The following GLRA1 variants were observed in gnomAD, a reference collection of about 807,000 sequenced individuals.
The protein encoded by GLRA1 is glycine receptor alpha 1.
Under a neutral mutation model 48.3 loss-of-function variants are expected in GLRA1, and 37 were observed. The observed-to-expected ratio is 0.77, with a 90% CI of 0.59 to 1.01. The LOEUF is 1.01. Among genes scored for constraint, GLRA1 ranks in the 50% least tolerant of loss-of-function variants. GLRA1 has a pLI of 0.00. For synonymous variants in GLRA1, 196 were observed against 210.7 expected (o/e 0.93, Z 0.60); for missense variants, 427 against 571.0 (o/e 0.75, Z 2.57).
In GLRA1 at chr5:151,822,976, C is replaced by T; in HGVS notation, c.1060-13G>A. The T allele has an allele frequency of 6.3e-7, 1 of 1,585,106 alleles. No homozygotes were observed. The highest frequency in any genetic ancestry group is 8.6e-7 in the Non-Finnish European group (1 of 1,164,846). On this transcript the variant is annotated splice_polypyrimidine_tract_variant and intron_variant, in intron 8 of 8. Coordinates refer to ENST00000274576, the MANE Select transcript of GLRA1 (RefSeq NM_000171.4). ...CAGCTTCATCCTCCTGGAATAGATT[C>T]AACATGGGGCTCTACTTAAAATAAG...
rs114469790 is a variant in GLRA1, at chr5:151,923,048, G to A, written c.56+1446C>T. ...CCATAAAGTAGCCACATTTTGATACGTTTCATAAGGCCCTGGATTGTTGTA... is the reference window on the plus strand; with the variant it reads ...CCATAAAGTAGCCACATTTTGATACATTTCATAAGGCCCTGGATTGTTGTA... On this transcript the variant is annotated intron_variant, in intron 1 of 8. Coordinates refer to ENST00000274576, the MANE Select transcript of GLRA1 (RefSeq NM_000171.4). 8.8e-3 allele frequency among the ~76,000 whole-genome samples: 1,333 copies of A among 152,230 alleles called. 19 individuals are homozygous for A. Among genetic ancestry groups the A allele is most frequent in the African/African-American group, 0.031 (1,282 of 41,518 alleles).
intron 1 of GLRA1, among the ~76,000 whole-genome samples, chr5:151,909,347 C>A (rs1754553248): frequency 6.6e-6 from 1 of 152,174 alleles, no homozygotes. Flanking sequence ...TTTTCTCCAA[C>A]CATTTGAATT....
chr5:151,904,350 C>G (rs1455484268), intron 1 of GLRA1, among the ~76,000 whole-genome samples: 2 of 152,114 alleles, frequency 1.3e-5, no homozygotes, highest in African/African-American at 4.8e-5. Context: ...TTGCGTGTCT[C>G]AGAGGCAAAG....
At chr5:151,924,438 C>T (rs1754956739) in intron 1 of GLRA1, 56 bp downstream of exon 1, 4 of 1,057,040 alleles carry the variant, frequency 3.8e-6, no homozygotes, top group Non-Finnish European at 6.0e-6. Flanking sequence ...AGGTAGCCTC[C>T]GTACTCTTTC....
chr5:151,859,678 A>G (rs1403522717), intron 4 of GLRA1, 107 bp downstream of exon 4: 1 of 802,654 alleles, frequency 1.2e-6, no homozygotes, highest in Non-Finnish European at 2.2e-6. Context: ...TTGGGTTGCC[A>G]GGGCCTGTTC....
At chr5:151,894,150 CGTGTGTGT>C (rs749330230) in intron 1 of GLRA1, among the ~76,000 whole-genome samples, 5 of 150,612 alleles carry the variant, frequency 3.3e-5, no homozygotes, top group African/African-American at 1.2e-4. Flanking sequence ...TGTGTGTGTG[CGTGTGTGT>C]GTGTGTGTAA....
intron 3 of GLRA1, among the ~76,000 whole-genome samples, chr5:151,882,531 G>A (rs1753785537): frequency 6.6e-6 from 1 of 152,300 alleles, no homozygotes; most frequent in East Asian, 1.9e-4. Context: ...TCGTCCAAAA[G>A]TTTTGGTAGG....
chr5:151,823,259 G>C (rs1427598534), intron 8 of GLRA1, among the ~76,000 whole-genome samples: 1 of 152,172 alleles, frequency 6.6e-6, no homozygotes, highest in Non-Finnish European at 1.5e-5. Context: ...CCATAGGCAA[G>C]TAATTTCCTT....
intron 7 of GLRA1, among the ~76,000 whole-genome samples, chr5:151,844,643 A>C (rs1342169872): frequency 7.4e-6 from 1 of 134,678 alleles, no homozygotes; most frequent in Non-Finnish European, 1.6e-5. Flanking sequence ...AAAAAAAAAG[A>C]AAAAGAAAAA....
chr5:151,849,376 G>GTTTCC lies in GLRA1; in HGVS notation c.912+2009_912+2013dup, dbSNP rs757139471. Among the ~76,000 whole-genome samples, 77 of 13,166 alleles carry GTTTCC rather than the reference G, an allele frequency of 5.8e-3. 1 individual carries two copies. Among genetic ancestry groups the GTTTCC allele is most frequent in the Admixed American group, 0.016 (12 of 758 alleles). 8.6% of individuals were successfully genotyped at this position (13,166 alleles called of 152,430 possible). ...CTTCCTTCCTTCCTTTCTTCCTTTC[G>GTTTCC]TTTCCTTTCCTTTCCTTTCCTTTCC... On this transcript the variant is annotated intron_variant, in intron 7 of 8. Coordinates refer to ENST00000274576, the MANE Select transcript of GLRA1 (RefSeq NM_000171.4).
chr5:151,853,138 G>A (rs1243859036), intron 6 of GLRA1, among the ~76,000 whole-genome samples: 1 of 152,216 alleles, frequency 6.6e-6, no homozygotes, highest in Non-Finnish European at 1.5e-5. Context: ...AATTTCAGTT[G>A]TGCAAGATGA....
At chr5:151,895,625 CTGTGTGTGTGTG>C (rs67871185) in intron 1 of GLRA1, among the ~76,000 whole-genome samples, 142 of 146,692 alleles carry the variant, frequency 9.7e-4, no homozygotes, top group African/African-American at 3.4e-3. Context: ...GTGTGTGTGT[CTGTGTGTGTGTG>C]TGTGTGTGTG....
At chr5:151,858,694 C>G (rs1026273075) in intron 4 of GLRA1, among the ~76,000 whole-genome samples, 1 of 151,986 alleles carries the variant, frequency 6.6e-6, no homozygotes, top group Admixed American at 6.6e-5. Context: ...CAGGAAAGAC[C>G]GAGTTCAGTC....
chr5:151,882,017 AG>A (rs1307540119), intron 3 of GLRA1, among the ~76,000 whole-genome samples: 15 of 152,166 alleles, frequency 9.9e-5, no homozygotes, highest in Non-Finnish European at 2.2e-4. Flanking sequence ...GCTGGAAGTC[AG>A]GGAGCCTGGG....
chr5:151,916,173 CA>C (rs1754736021), intron 1 of GLRA1, among the ~76,000 whole-genome samples: 1 of 152,136 alleles, frequency 6.6e-6, no homozygotes, highest in South Asian at 2.1e-4. Flanking sequence ...CTGCTGTTAC[CA>C]AAAGGCAAAT....
intron 8 of GLRA1, among the ~76,000 whole-genome samples, chr5:151,825,677 G>C (rs1340426400): frequency 2.6e-5 from 4 of 152,346 alleles, no homozygotes; most frequent in South Asian, 4.1e-4. Flanking sequence ...GGTGCTCACA[G>C]ATATGGTTTC....
intron 3 of GLRA1, among the ~76,000 whole-genome samples, chr5:151,868,908 G>A (rs1753405694): frequency 1.3e-5 from 2 of 152,074 alleles, no homozygotes; most frequent in Non-Finnish European, 2.9e-5. Context: ...CATGCTGCCT[G>A]GTGCATTCTC....
chr5:151,836,155 A>G (rs1339750579), intron 7 of GLRA1, among the ~76,000 whole-genome samples: 1 of 152,188 alleles, frequency 6.6e-6, no homozygotes, highest in Admixed American at 6.5e-5. Flanking sequence ...AAGTATTCCT[A>G]TACACCAATA....
intron 3 of GLRA1, among the ~76,000 whole-genome samples, chr5:151,874,603 G>A (rs912963968): frequency 3.3e-5 from 5 of 152,170 alleles, no homozygotes; most frequent in African/African-American, 1.2e-4. Flanking sequence ...AGCTGAAAAA[G>A]CCAATAAGGC....
Sources: allele counts gnomAD v4.1 joint callset (sites outside exome capture counted in the v4.1 genomes callset), GRCh38; gene constraint gnomAD v4.1.1; transcripts MANE v1.5; gene names NCBI Gene and HGNC (gene_info 2026-07-23, HGNC 2026-07-21).